LDLRAP1: variants seen among roughly 807,000 people sequenced by gnomAD.
LDLRAP1 encodes low density lipoprotein receptor adapter protein 1.
Under a neutral mutation model 37.8 loss-of-function variants are expected in LDLRAP1, and 30 were observed. The observed-to-expected ratio is 0.79, with a 90% confidence interval of 0.59 to 1.08. LDLRAP1 has a LOEUF of 1.08. Among genes scored for constraint, LDLRAP1 ranks in the 50% least tolerant of loss-of-function variants. The probability of loss-of-function intolerance (pLI) is 0.00; values close to 1 mark genes in which losing one functional copy is unlikely to be tolerated. For missense variants in LDLRAP1, 375 were observed against 401.6 expected, an observed-to-expected ratio of 0.93 and a Z score of 0.57; for synonymous variants, 156 against 169.8, an observed-to-expected ratio of 0.92 and a Z score of 0.63.
chr1:25,553,887 C>T, intron 1 of LDLRAP1, 35 bp from the exon 2 acceptor site: 9 of 1,610,660 alleles, frequency 5.6e-6, no homozygotes, highest in South Asian at 1.1e-5. Flanking sequence ...GGCCCTGAGC[C>T]GCAGGGTCTG....
At chr1:25,559,157 C>A (rs146411749) in intron 4 of LDLRAP1, among the ~76,000 whole-genome samples, 1 of 152,150 alleles carries the variant, frequency 6.6e-6, no homozygotes. Context: ...AGATGTGACT[C>A]GTGGCTTTGT....
At position 25,566,896 on chromosome 1, in the gene LDLRAP1, AGCCCAGGACATGCATTAC is replaced by A; in HGVS notation, c.838_855del (p.Asp280_Gln285del). 1.9e-6 allele frequency: 3 copies of A among 1,613,214 alleles called. No homozygotes were observed. Among genetic ancestry groups the A allele is most frequent in the Non-Finnish European group, 1.7e-6 (2 of 1,179,820 alleles). ...CTCAGGTCCTGGACACTGGCCTGAC[AGCCCAGGACATGCATTAC>A]GCCCAGTGCCTCTCGCCTGTCGACT... On this transcript the variant is annotated inframe_deletion, in exon 9 of 9. Coordinates refer to ENST00000374338, the MANE Select transcript of LDLRAP1 (RefSeq NM_015627.3).
chr1:25,587,420 G>T, the LDLRAP1 span, among the ~76,000 whole-genome samples: 1 of 152,172 alleles, frequency 6.6e-6, no homozygotes, highest in African/African-American at 2.4e-5. Context: ...CTCCCAAAGT[G>T]TTGGTATTAC....
chr1:25,567,351 A>G lies in LDLRAP1; in HGVS notation c.*359A>G, dbSNP rs2044511082. 1 of 361,008 alleles carries G rather than the reference A, an allele frequency of 2.8e-6. No homozygotes were observed. The highest frequency in any genetic ancestry group is 5.3e-6 in the Non-Finnish European group (1 of 187,818). The allele number at this position is 361,008 out of a possible 1,614,324, so 22.4% of individuals were successfully genotyped here. On this transcript the variant is annotated 3_prime_UTR_variant, in exon 9 of 9. Transcript: ENST00000374338. ...GCTGTGGGTATCAGGACTGTGACCA[A>G]AGCATTTCTAGTCCCTTCTCTCTTT...
intron 1 of LDLRAP1, 131 bp from the exon 2 acceptor site, chr1:25,553,791 A>T: frequency 8.9e-4 from 630 of 706,532 alleles, no homozygotes; most frequent in Non-Finnish European, 1.3e-3. Flanking sequence ...AAAAAAAAAG[A>T]GTGGCAGTAG....
At chr1:25,563,860 C>T (rs963649321) in intron 7 of LDLRAP1, 69 bp downstream of exon 7, 11 of 1,601,482 alleles carry the variant, frequency 6.9e-6, no homozygotes, top group Non-Finnish European at 9.4e-6. Context: ...GGGGCTGCTC[C>T]AGGGACCAGG....
chr1:25,563,871 C>G (rs1028671300), intron 7 of LDLRAP1, 80 bp downstream of exon 7: 6 of 1,589,606 alleles, frequency 3.8e-6, no homozygotes, highest in Non-Finnish European at 4.3e-6. Flanking sequence ...AGGGACCAGG[C>G]CCTGGGACCC....
At chr1:25,547,046 G>A (rs2043952438) in intron 1 of LDLRAP1, among the ~76,000 whole-genome samples, 1 of 152,126 alleles carries the variant, frequency 6.6e-6, no homozygotes, top group Admixed American at 6.5e-5. Flanking sequence ...TGATGGGACA[G>A]CTTTGTAAGA....
the LDLRAP1 span, among the ~76,000 whole-genome samples, chr1:25,589,205 G>A: frequency 6.6e-6 from 1 of 152,140 alleles, no homozygotes; most frequent in African/African-American, 2.4e-5. Flanking sequence ...TCAGGAGGCT[G>A]AGGCAGGAGA....
rs202247605 is a variant in LDLRAP1, at chr1:25,563,804, G to A, written c.747+13G>A. ...CAGTGTTGTCTGGGTGAGTGGTTGT[G>A]TGGCCAGCAGATCGGTGATCCTCAG... On this transcript the variant is annotated intron_variant, in intron 7 of 8. Coordinates refer to ENST00000374338, the MANE Select transcript of LDLRAP1 (RefSeq NM_015627.3). 197 of 1,613,486 alleles carry A rather than the reference G, an allele frequency of 1.2e-4. No individual in the cohort carries two copies. The East Asian group carries it at 3.5e-3, about 29-fold the overall frequency.
intron 5 of LDLRAP1, 143 bp downstream of exon 5, chr1:25,562,859 C>A: frequency 1.2e-6 from 1 of 834,470 alleles, no homozygotes; most frequent in South Asian, 1.4e-5. Flanking sequence ...CTCAGAGTCT[C>A]GGTTTTCCCA....
chr1:25,571,530 C>T (rs2044604566), downstream of LDLRAP1, among the ~76,000 whole-genome samples: 1 of 152,266 alleles, frequency 6.6e-6, no homozygotes, highest in African/African-American at 2.4e-5. Context: ...TAAGCTGCTG[C>T]ACGGCCCCTG....
the LDLRAP1 span, among the ~76,000 whole-genome samples, chr1:25,585,463 C>A: frequency 6.6e-6 from 1 of 152,036 alleles, no homozygotes; most frequent in South Asian, 2.1e-4. Flanking sequence ...GTAGCTGGGA[C>A]TACAGGTGCC....
chr1:25,557,328 T>TG (rs1350241646), intron 4 of LDLRAP1, 61 bp downstream of exon 4: 19 of 1,335,884 alleles, frequency 1.4e-5, no homozygotes, highest in South Asian at 2.3e-5. Flanking sequence ...TTGCTCTGGG[T>TG]GGGGGGCTGT....
chr1:25,560,954 G>A (rs2044328800), intron 4 of LDLRAP1, among the ~76,000 whole-genome samples: 1 of 152,260 alleles, frequency 6.6e-6, no homozygotes, highest in Non-Finnish European at 1.5e-5. Context: ...GCAGCTACCT[G>A]CACACATCCA....
At chr1:25,578,925 C>T in the LDLRAP1 span, among the ~76,000 whole-genome samples, 1 of 152,156 alleles carries the variant, frequency 6.6e-6, no homozygotes, top group Non-Finnish European at 1.5e-5. Context: ...GAATCAGGGG[C>T]TTGTGAAATT....
intron 4 of LDLRAP1, among the ~76,000 whole-genome samples, chr1:25,559,262 G>A (rs1427016324): frequency 1.3e-5 from 2 of 152,152 alleles, no homozygotes; most frequent in Non-Finnish European, 2.9e-5. Context: ...CCTGGGCAGG[G>A]ACAGCTGGCC....
the LDLRAP1 span, among the ~76,000 whole-genome samples, chr1:25,574,415 G>A: frequency 1.6e-4 from 25 of 152,230 alleles, no homozygotes; most frequent in Admixed American, 1.6e-3. Context: ...AGCAACCTCC[G>A]GGCTTGCAAG....
At position 25,553,920 on chromosome 1, in the gene LDLRAP1, A is replaced by C; in HGVS notation, c.89-2A>C. The C allele has an allele frequency of 6.2e-7, 1 of 1,613,554 alleles. No individual in the cohort carries two copies. The highest frequency in any genetic ancestry group is 8.5e-7 in the Non-Finnish European group (1 of 1,179,914). On this transcript the variant is annotated splice_acceptor_variant, in intron 1 of 8. Coordinates refer to ENST00000374338, the MANE Select transcript of LDLRAP1 (RefSeq NM_015627.3). LOFTEE classifies it high-confidence loss of function. ...CTGAGGGCCTACCCTGTGCTACCCCAGAGCTGCCTGAGAACTGGACAGACA... is the reference window on the plus strand; with the variant it reads ...CTGAGGGCCTACCCTGTGCTACCCCCGAGCTGCCTGAGAACTGGACAGACA...
Sources: gnomAD v4.1 joint callset for allele counts (sites outside exome capture counted in the v4.1 genomes callset) on GRCh38, gnomAD v4.1.1 for gene constraint, MANE v1.5 for transcripts, NCBI Gene and HGNC (gene_info 2026-07-23, HGNC 2026-07-21) for gene names.